Variants in KDR observed in about 807,000 individuals in gnomAD.
The protein encoded by KDR is kinase insert domain receptor.
A neutral mutation model predicts 160.9 loss-of-function variants in KDR; 43 were observed. The observed-to-expected ratio is 0.27, with a 90% CI of 0.21 to 0.34. The LOEUF (loss-of-function observed/expected upper bound fraction) is 0.34. KDR is among the 10% of genes least tolerant of loss of function. KDR has a pLI of 1.00. For missense variants in KDR, 1,469 were observed against 1,666.4 expected (o/e 0.88, Z 2.06); for synonymous variants, 617 against 600.1 (o/e 1.03, Z -0.41).
chr4:55,080,901 A>G (rs1050968471), intron 29 of KDR, among the ~76,000 whole-genome samples: 2 of 152,216 alleles, frequency 1.3e-5, no homozygotes, highest in Non-Finnish European at 1.5e-5. Context: ...GTTTTCCCCA[A>G]CTTCTTCATG....
chr4:55,081,329 C>A (rs925964218), intron 29 of KDR, among the ~76,000 whole-genome samples: 1 of 152,032 alleles, frequency 6.6e-6, no homozygotes, highest in African/African-American at 2.4e-5. Context: ...TAAACTCCAG[C>A]AAATACATAA....
rs1216404471 is a variant in KDR at position 55,125,336 on chromosome 4, G to A, written c.-43C>T. On this transcript the variant is annotated 5_prime_UTR_variant, in exon 1 of 30. Coordinates refer to ENST00000263923, the MANE Select transcript of KDR (RefSeq NM_002253.4). The stretch of plus-strand genomic sequence containing the variant: ...GCGAAATGCCCAGAACTCGGGAGCC[G>A]GTTCTTTCTCCCAGCGCCTGTCTAG... 7 of 1,580,218 alleles carry A rather than the reference G, an allele frequency of 4.4e-6. No individual in the cohort carries two copies. Among genetic ancestry groups the A allele is most frequent in the Non-Finnish European group, 6.0e-6 (7 of 1,162,932 alleles).
chr4:55,105,436 T>C lies in KDR; in HGVS notation c.1645+396A>G, dbSNP rs181002968. ...GATGCACAGGCAAAATCGGCAGCAT[T>C]GGGAGGGCACTGCTCCTATGTCCTT... On this transcript the variant is annotated intron_variant, in intron 12 of 29. Transcript: ENST00000263923. Among the ~76,000 whole-genome samples the C allele has an allele frequency of 3.3e-5, 5 of 152,304 alleles. No individual in the cohort carries two copies. The East Asian group carries it at 7.7e-4, about 24-fold the overall frequency.
In KDR at chr4:55,107,746, T is replaced by G; in HGVS notation, c.1403A>C (p.Asn468Thr). ...ATGTGGCCTTACTCACCTGGGCTCG[T>G]TGGCGCACTCTTCCTCCAACTGCCA... ...WYWQLEEECA[N>T]EPSQAVSVTN... The change falls in exon 10 of 30, where the codon AAC (asparagine) becomes ACC (threonine). Residue 468 changes from asparagine to threonine, a missense_variant. This residue lies in a region of KDR where 792 missense variants were observed against 840.9 expected (regional missense o/e 0.94). Transcript: ENST00000263923. 1 of 1,613,908 alleles carries G rather than the reference T, an allele frequency of 6.2e-7. No individual in the cohort carries two copies. Among genetic ancestry groups the G allele is most frequent in the Non-Finnish European group, 8.5e-7 (1 of 1,179,860 alleles).
At chr4:55,121,446 G>A (rs916939459) in intron 1 of KDR, among the ~76,000 whole-genome samples, 5 of 152,174 alleles carry the variant, frequency 3.3e-5, no homozygotes, top group African/African-American at 9.7e-5. Flanking sequence ...CTGTTTTCCT[G>A]CATTGCCAAC....
At chr4:55,088,139 C>T (rs1391501943) in intron 26 of KDR, among the ~76,000 whole-genome samples, 1 of 152,148 alleles carries the variant, frequency 6.6e-6, no homozygotes, top group African/African-American at 2.4e-5. Context: ...CCAGTTTTAG[C>T]CACCACATTT....
intron 9 of KDR, among the ~76,000 whole-genome samples, chr4:55,110,185 C>T (rs921223077): frequency 6.6e-6 from 1 of 152,128 alleles, no homozygotes; most frequent in African/African-American, 2.4e-5. Flanking sequence ...TGCATTTGTC[C>T]ACCACAAAGC....
At chr4:55,102,252 G>A (rs1720330324) in intron 14 of KDR, 110 bp downstream of exon 14, 1 of 1,372,142 alleles carries the variant, frequency 7.3e-7, no homozygotes, top group Admixed American at 1.7e-5. Flanking sequence ...CCAGGTCATG[G>A]ACACCAATAC....
rs2110020792 is a variant in KDR, at chr4:55,102,037, G to A, written c.2135-9C>T. The A allele has an allele frequency of 6.2e-7, 1 of 1,613,480 alleles. No homozygotes were observed. Among genetic ancestry groups the A allele is most frequent in the Non-Finnish European group, 8.5e-7 (1 of 1,179,596 alleles). On this transcript the variant is annotated splice_polypyrimidine_tract_variant and intron_variant, in intron 14 of 29. Transcript: ENST00000263923. ...ATCCTTCAATACAATGCCTAACAGAGGAAGAAAACGATCATTCTCATTTAT... is the reference window on the plus strand; with the variant it reads ...ATCCTTCAATACAATGCCTAACAGAAGAAGAAAACGATCATTCTCATTTAT...
intron 2 of KDR, among the ~76,000 whole-genome samples, chr4:55,119,010 A>G (rs1446710805): frequency 2.0e-5 from 3 of 152,202 alleles, no homozygotes; most frequent in African/African-American, 2.4e-5. Flanking sequence ...GGAGTTCGAG[A>G]CCAGGCTGGG....
chr4:55,081,582 C>T (rs1274232760), intron 29 of KDR, among the ~76,000 whole-genome samples: 1 of 152,078 alleles, frequency 6.6e-6, no homozygotes, highest in Non-Finnish European at 1.5e-5. Flanking sequence ...CACAGATGCA[C>T]CCATTTGTAT....
chr4:55,107,893 A>C lies in KDR; in HGVS notation c.1256T>G (p.Val419Gly), dbSNP rs1239915090. The C allele has an allele frequency of 1.2e-6, 2 of 1,613,912 alleles. No homozygotes were observed. Among genetic ancestry groups the C allele is most frequent in the Non-Finnish European group, 1.7e-6 (2 of 1,179,838 alleles). The change falls in exon 10 of 30, where the codon GTC (valine) becomes GGC (glycine). Residue 419 changes from valine (V) to glycine (G), a missense_variant and splice_region_variant. By Grantham distance (109) the Val-to-Gly change is moderately radical. Coordinates refer to ENST00000263923, the MANE Select transcript of KDR (RefSeq NM_002253.4). ...QSHVVSLVVY[V>G]PPQIGEKSLI... Reference sequence around the variant, plus strand: ...AGATTTCTCACCAATCTGGGGTGGGACTGAAGATGGGAAAAACAACTTTTG... The same window carrying C: ...AGATTTCTCACCAATCTGGGGTGGGCCTGAAGATGGGAAAAACAACTTTTG...
At chr4:55,106,885 C>A in intron 10 of KDR, 75 bp from the exon 11 acceptor site, 1 of 1,292,186 alleles carries the variant, frequency 7.7e-7, no homozygotes, top group South Asian at 1.2e-5. Flanking sequence ...GGAAAAGATT[C>A]AGACTTTGGT....
chr4:55,081,934 T>C, intron 29 of KDR, 22 bp downstream of exon 29: 1 of 1,554,744 alleles, frequency 6.4e-7, no homozygotes, highest in Non-Finnish European at 8.9e-7. Flanking sequence ...AAATTTGTCT[T>C]TTTAATATGG....
intron 16 of KDR, 139 bp downstream of exon 16, chr4:55,098,558 C>A: frequency 1.3e-6 from 1 of 761,422 alleles, no homozygotes. Context: ...AGAAAGTGGG[C>A]AGGAACGTTA....
chr4:55,090,189 A>C lies in KDR; in HGVS notation c.3070-111T>G, dbSNP rs1719973629. 2.4e-5 allele frequency: 30 copies of C among 1,233,422 alleles called. No individual in the cohort carries two copies. In the South Asian group the frequency reaches 3.0e-4, roughly 13 times the overall value. 76.4% of individuals were successfully genotyped at this position (1,233,422 alleles called of 1,614,324 possible). On this transcript the variant is annotated intron_variant, in intron 22 of 29. Transcript: ENST00000263923. The stretch of plus-strand genomic sequence containing the variant: ...CCCACATCAGAAAGCCAACTGATTA[A>C]CAAGGACTGGGTTAGTATCTTTTAT...
intron 23 of KDR, 40 bp from the exon 24 acceptor site, chr4:55,089,842 C>G: frequency 6.2e-7 from 1 of 1,606,682 alleles, no homozygotes; most frequent in Non-Finnish European, 8.5e-7. Context: ...CCCAAATTAG[C>G]AAATATCTGA....
intron 9 of KDR, 119 bp downstream of exon 9, chr4:55,110,284 G>A (rs3828550): frequency 0.34 from 364,380 of 1,074,440 alleles, 62,868 homozygotes; most frequent in Admixed American, 0.52. Context: ...ACTTTTGTAC[G>A]CAGGCCCAGC....
Position 55,113,443 on chromosome 4 carries a change from G to A in KDR, c.837C>T (p.Thr279=), listed in dbSNP as rs753148014. ...HKKLVNRDLK[T]QSGSEMKKFL... ...ATTTCTTCATCTCACTCCCAGACTGGGTTTTTAGGTCTCGGTTTACAAGTT... is the reference window on the plus strand; with the variant it reads ...ATTTCTTCATCTCACTCCCAGACTGAGTTTTTAGGTCTCGGTTTACAAGTT... The change falls in exon 7 of 30, where the codon ACC becomes ACT. Residue 279 remains threonine (T), a synonymous_variant. Transcript: ENST00000263923. The A allele has an allele frequency of 9.7e-5, 156 of 1,613,702 alleles. 2 individuals carry two copies. In the South Asian group the frequency reaches 1.6e-3, roughly 17 times the overall value.
Sources: gnomAD v4.1 joint callset for allele counts (sites outside exome capture counted in the v4.1 genomes callset) on GRCh38, gnomAD v4.1.1 for gene constraint, gnomAD v4.1.1 regional missense constraint, MANE v1.5 for transcripts, NCBI Gene and HGNC (gene_info 2026-07-23, HGNC 2026-07-21) for gene names.